The following MAGI2 variants were observed in gnomAD, a reference collection of about 807,000 sequenced individuals.
MAGI2 encodes the protein membrane-associated guanylate kinase, WW and PDZ domain-containing protein 2.
Under a neutral mutation model 133.3 loss-of-function variants are expected in MAGI2, and 35 were observed. That is an observed-to-expected ratio of 0.26 (90% CI 0.20 to 0.35). MAGI2 has a LOEUF of 0.35. Ranked by LOEUF, MAGI2 falls within the 10% of genes least tolerant of loss-of-function variation. MAGI2 has a pLI of 1.00. For missense variants in MAGI2, 1,636 were observed against 1,863.4 expected, an observed-to-expected ratio of 0.88 and a Z score of 2.25; for synonymous variants, 729 against 710.6, an observed-to-expected ratio of 1.03 and a Z score of -0.41.
intron 1 of MAGI2, among the ~76,000 whole-genome samples, chr7:79,293,980 C>T (rs937400300): frequency 2.0e-5 from 3 of 152,002 alleles, no homozygotes; most frequent in African/African-American, 7.2e-5. Flanking sequence ...GCCAGCAGTT[C>T]GAGACTAGCC....
intron 3 of MAGI2, among the ~76,000 whole-genome samples, chr7:78,552,155 T>C (rs1170447360): frequency 6.6e-6 from 1 of 151,844 alleles, no homozygotes; most frequent in African/African-American, 2.4e-5. Flanking sequence ...ACCATAGACT[T>C]TTAGGTAGAC....
At chr7:78,538,913 T>A (rs1217555199) in intron 3 of MAGI2, among the ~76,000 whole-genome samples, 1 of 152,204 alleles carries the variant, frequency 6.6e-6, no homozygotes, top group Non-Finnish European at 1.5e-5. Flanking sequence ...GCACAATGAA[T>A]AGAATACTAC....
intron 3 of MAGI2, among the ~76,000 whole-genome samples, chr7:78,554,907 T>C (rs1018768639): frequency 6.6e-6 from 1 of 151,670 alleles, no homozygotes; most frequent in East Asian, 1.9e-4. Context: ...GAAGCTGCGG[T>C]GTGAGGGGTG....
At chr7:79,210,516 C>A (rs1362344784) in intron 1 of MAGI2, among the ~76,000 whole-genome samples, 2 of 151,906 alleles carry the variant, frequency 1.3e-5, no homozygotes, top group Non-Finnish European at 2.9e-5. Flanking sequence ...GTCTAACATG[C>A]CCACCTAAGT....
rs186652379 is a variant in MAGI2 at position 78,049,095 on chromosome 7, G to A, written c.3707-29119C>T. On this transcript the variant is annotated intron_variant, in intron 21 of 21. Coordinates refer to ENST00000354212, the MANE Select transcript of MAGI2 (RefSeq NM_012301.4). ...TGCACTCCAGCCTGCGCAACAGAGT[G>A]AGACTCCACCTCAAAAAAAAAAAAA... Among the ~76,000 whole-genome samples, 512 of 130,614 alleles carry A rather than the reference G, an allele frequency of 3.9e-3. 14 individuals carry two copies. Among genetic ancestry groups the A allele is most frequent in the Admixed American group, 0.031 (358 of 11,538 alleles). The allele number at this position is 130,614 out of a possible 152,430, so 85.7% of individuals were successfully genotyped here. A position where few individuals can be genotyped will look rare whatever the true frequency, so the allele number is the denominator to read the frequency against.
intron 2 of MAGI2, among the ~76,000 whole-genome samples, chr7:78,852,469 A>C (rs1012993781): frequency 1.3e-5 from 2 of 152,126 alleles, no homozygotes; most frequent in African/African-American, 4.8e-5. Flanking sequence ...GAGGTCACAA[A>C]GATAACCTTC....
intron 10 of MAGI2, among the ~76,000 whole-genome samples, chr7:78,246,827 T>C (rs1005940775): frequency 2.0e-5 from 3 of 152,110 alleles, no homozygotes; most frequent in African/African-American, 7.2e-5. Context: ...TAGCACCCCT[T>C]CTTTTCTGGA....
chr7:78,723,564 A>C (rs1027743855), intron 2 of MAGI2, among the ~76,000 whole-genome samples: 3 of 152,202 alleles, frequency 2.0e-5, no homozygotes, highest in African/African-American at 7.2e-5. Flanking sequence ...GGGTATGTAG[A>C]GATAGTATGA....
At chr7:78,066,836 A>G (rs1813880683) in intron 21 of MAGI2, among the ~76,000 whole-genome samples, 1 of 152,188 alleles carries the variant, frequency 6.6e-6, no homozygotes, top group African/African-American at 2.4e-5. Context: ...GAAGAACTTA[A>G]TCCATGCAGC....
intron 5 of MAGI2, among the ~76,000 whole-genome samples, chr7:78,493,854 G>A (rs1240905129): frequency 6.6e-6 from 1 of 151,708 alleles, no homozygotes; most frequent in Non-Finnish European, 1.5e-5. Context: ...TGATATTAAA[G>A]TTCCATGTGC....
chr7:79,339,690 C>G (rs374602585), intron 1 of MAGI2, among the ~76,000 whole-genome samples: 234 of 152,182 alleles, frequency 1.5e-3, no homozygotes, highest in African/African-American at 5.4e-3. Flanking sequence ...AGTTCAGTCT[C>G]TAGTACGTGA....
Position 78,886,376 on chromosome 7 carries a change from T to C in MAGI2, c.418+120714A>G, listed in dbSNP as rs540604239. On this transcript the variant is annotated intron_variant, in intron 2 of 21. Coordinates refer to ENST00000354212, the MANE Select transcript of MAGI2 (RefSeq NM_012301.4). ...ATTCTTGACAACTTTAATGAGTCTT[T>C]ATTAACTGCATAATTGACAAGAAAA... is the stretch of plus-strand genomic sequence containing the variant. 1.4e-4 allele frequency among the ~76,000 whole-genome samples: 21 copies of C among 152,344 alleles called. No homozygotes were observed. The South Asian group carries it at 3.9e-3, about 29-fold the overall frequency.
At chr7:78,092,498 G>T (rs183717872) in intron 20 of MAGI2, among the ~76,000 whole-genome samples, 1 of 152,282 alleles carries the variant, frequency 6.6e-6, no homozygotes, top group East Asian at 1.9e-4. Flanking sequence ...TGTTAATTCA[G>T]ATTGTCCATC....
At chr7:78,747,275 T>C (rs1823011692) in intron 2 of MAGI2, among the ~76,000 whole-genome samples, 1 of 152,162 alleles carries the variant, frequency 6.6e-6, no homozygotes, top group South Asian at 2.1e-4. Flanking sequence ...CCATAAGGCA[T>C]GAGCTGAACC....
At chr7:78,620,913 G>A (rs755952312) in intron 3 of MAGI2, among the ~76,000 whole-genome samples, 1 of 151,976 alleles carries the variant, frequency 6.6e-6, no homozygotes, top group Admixed American at 6.6e-5. Flanking sequence ...ATCTCAGTAG[G>A]TGAATTAAAT....
chr7:79,404,970 G>A (rs555506507), intron 1 of MAGI2, among the ~76,000 whole-genome samples: 1 of 152,156 alleles, frequency 6.6e-6, no homozygotes, highest in Admixed American at 6.5e-5. Flanking sequence ...CTCAGGTGCC[G>A]ACATGAGTGC....
chr7:78,970,295 C>A (rs762290798), intron 2 of MAGI2, among the ~76,000 whole-genome samples: 3 of 151,954 alleles, frequency 2.0e-5, no homozygotes, highest in Non-Finnish European at 4.4e-5. Context: ...TACTACAACC[C>A]CCTGAAGGAT....
chr7:78,020,237 C>G (rs1427564309), intron 21 of MAGI2, among the ~76,000 whole-genome samples: 2 of 152,210 alleles, frequency 1.3e-5, no homozygotes, highest in African/African-American at 4.8e-5. Context: ...AAGCCCAGGC[C>G]TAATCCCTTC....
chr7:78,461,449 A>G (rs1054008700), intron 6 of MAGI2, among the ~76,000 whole-genome samples: 3 of 147,252 alleles, frequency 2.0e-5, no homozygotes, highest in Non-Finnish European at 4.5e-5. Flanking sequence ...TCTTGGTTAG[A>G]AGAATCAGAT....
Sources: gnomAD v4.1 joint callset for allele counts (sites outside exome capture counted in the v4.1 genomes callset) on GRCh38, gnomAD v4.1.1 for gene constraint, MANE v1.5 for transcripts, NCBI Gene and HGNC (gene_info 2026-07-23, HGNC 2026-07-21) for gene names.